The following ITGAV variants were observed in gnomAD, a reference collection of about 807,000 sequenced individuals.
The protein encoded by ITGAV is integrin subunit alpha V.
In ITGAV, 76 loss-of-function variants were observed where a neutral mutation model predicts 143.8. The ratio of observed to expected loss-of-function variants is 0.53; its 90% confidence interval spans 0.44 to 0.64. ITGAV has a LOEUF of 0.64. Among genes scored for constraint, ITGAV ranks in the 30% least tolerant of loss-of-function variants. The pLI is 0.00. For synonymous variants in ITGAV, 453 were observed against 446.7 expected, an observed-to-expected ratio of 1.01 and a Z score of -0.18; for missense variants, 1,193 against 1,274.7, an observed-to-expected ratio of 0.94 and a Z score of 0.98.
chr2:186,595,599 A>G (rs1243586310), intron 1 of ITGAV, among the ~76,000 whole-genome samples: 1 of 151,048 alleles, frequency 6.6e-6, no homozygotes, highest in East Asian at 1.9e-4. Flanking sequence ...CCCAAACTCA[A>G]TCCTTTATAT....
At chr2:186,633,657 T>G (rs1004800871) in intron 6 of ITGAV, among the ~76,000 whole-genome samples, 7 of 152,038 alleles carry the variant, frequency 4.6e-5, no homozygotes, top group African/African-American at 1.4e-4. Context: ...GTAATTTATT[T>G]TTATTGTGTG....
At chr2:186,602,460 G>T (rs116731410) in intron 2 of ITGAV, among the ~76,000 whole-genome samples, 1 of 152,146 alleles carries the variant, frequency 6.6e-6, no homozygotes, top group African/African-American at 2.4e-5. Flanking sequence ...TGAGAATAGG[G>T]AGCTCATAGG....
intron 12 of ITGAV, among the ~76,000 whole-genome samples, chr2:186,642,651 CAGCCTCCTGAGT>C (rs1395866731): frequency 1.3e-5 from 2 of 151,146 alleles, no homozygotes; most frequent in African/African-American, 4.9e-5. Flanking sequence ...CCTCCCACTT[CAGCCTCCTGAGT>C]AGCTGGGACT....
chr2:186,675,527 A>G (rs1574507221), intron 26 of ITGAV, 77 bp from the exon 27 acceptor site: 1 of 1,111,292 alleles, frequency 9.0e-7, no homozygotes, highest in East Asian at 2.4e-5. Flanking sequence ...ACAAAAAGAA[A>G]AAAAATGGCA....
At chr2:186,630,897 C>T in intron 5 of ITGAV, 39 bp downstream of exon 5, 3 of 1,095,494 alleles carry the variant, frequency 2.7e-6, no homozygotes, top group Non-Finnish European at 4.2e-6. Context: ...TTCACATCTA[C>T]CTTATTGACT....
rs1230022384 is a variant in ITGAV at position 186,590,086 on chromosome 2, G to A, written c.-253G>A. 1 of 389,572 alleles carries A rather than the reference G, an allele frequency of 2.6e-6. No individual in the cohort carries two copies. Among genetic ancestry groups the A allele is most frequent in the African/African-American group, 2.1e-5 (1 of 47,296 alleles). The allele number at this position is 389,572 out of a possible 1,614,324, so 24.1% of individuals were successfully genotyped here. On this transcript the variant is annotated 5_prime_UTR_variant, in exon 1 of 30. Transcript: ENST00000261023. The stretch of plus-strand genomic sequence containing the variant: ...CCAGCCTCAGACGCTGCGTGGAGCG[G>A]CGGAGCCGGAGGGAAGCAAAGGACC...
At chr2:186,596,816 G>A (rs1304434832) in intron 1 of ITGAV, among the ~76,000 whole-genome samples, 1 of 152,128 alleles carries the variant, frequency 6.6e-6, no homozygotes, top group South Asian at 2.1e-4. Flanking sequence ...TTTAACATAT[G>A]TCTAAGGTCA....
At chr2:186,604,103 C>T (rs558393441) in intron 2 of ITGAV, among the ~76,000 whole-genome samples, 45 of 151,758 alleles carry the variant, frequency 3.0e-4, no homozygotes, top group Non-Finnish European at 1.2e-4. Flanking sequence ...AACATCTGGG[C>T]TCAAGCAGTC....
At chr2:186,644,905 G>T (rs1184532115) in intron 12 of ITGAV, among the ~76,000 whole-genome samples, 1 of 152,136 alleles carries the variant, frequency 6.6e-6, no homozygotes, top group Non-Finnish European at 1.5e-5. Flanking sequence ...GAGTGATCAA[G>T]GCATCGTTGA....
intron 22 of ITGAV, 108 bp downstream of exon 22, chr2:186,666,891 C>T: frequency 1.8e-6 from 1 of 564,876 alleles, no homozygotes; most frequent in Non-Finnish European, 2.9e-6. Context: ...AATTTTATTG[C>T]TTGACTATAG....
At chr2:186,616,093 A>C (rs1687349353) in intron 2 of ITGAV, among the ~76,000 whole-genome samples, 1 of 152,016 alleles carries the variant, frequency 6.6e-6, no homozygotes, top group Non-Finnish European at 1.5e-5. Context: ...CATCTTTGTC[A>C]AAAATCAGTT....
intron 6 of ITGAV, among the ~76,000 whole-genome samples, chr2:186,634,096 A>C (rs1687891502): frequency 6.6e-6 from 1 of 152,198 alleles, no homozygotes; most frequent in South Asian, 2.1e-4. Flanking sequence ...TTAAACTGGC[A>C]TTGATATAAA....
intron 1 of ITGAV, among the ~76,000 whole-genome samples, chr2:186,595,585 C>G (rs755754566): frequency 1.3e-5 from 2 of 151,868 alleles, no homozygotes; most frequent in African/African-American, 2.4e-5. Flanking sequence ...TTTCTGTCCT[C>G]TCTCCCAAAC....
At chr2:186,675,102 TG>T (rs1689171770) in intron 26 of ITGAV, among the ~76,000 whole-genome samples, 1 of 152,224 alleles carries the variant, frequency 6.6e-6, no homozygotes, top group Non-Finnish European at 1.5e-5. Flanking sequence ...TTATTTCTTT[TG>T]GCTGCCAACC....
rs781072327 is a variant in ITGAV at position 186,651,990 on chromosome 2, C to T, written c.1406C>T (p.Pro469Leu). The change falls in exon 15 of 30, where the codon CCA becomes CTA. Residue 469 changes from proline (P) to leucine (L), a missense_variant. By Grantham distance (98) the Pro-to-Leu change is moderately conservative (BLOSUM62 -3). Transcript: ENST00000261023. ...TTTCCCTCCCCCGCTAGGGCCAGAC[C>T]AGTTATCACTGTAAATGCTGGTCTT... ...VDRAILYRAR[P>L]VITVNAGLEV... 1.2e-6 allele frequency: 2 copies of T among 1,603,020 alleles called. No homozygotes were observed. The highest frequency in any genetic ancestry group is 8.5e-7 in the Non-Finnish European group (1 of 1,171,656).
In ITGAV at chr2:186,590,886, A is replaced by G. The variant is rs189079510; in HGVS notation, c.185+363A>G. Among the ~76,000 whole-genome samples, 14 of 151,864 alleles carry G rather than the reference A, an allele frequency of 9.2e-5. 1 individual carries two copies. Among genetic ancestry groups the G allele is most frequent in the Admixed American group, 6.6e-4 (10 of 15,258 alleles). The stretch of plus-strand genomic sequence containing the variant: ...AGGATTTGGTCAATATCATCCCCGA[A>G]CTTCTTTTTCTCCTCTACCAGTTAG... On this transcript the variant is annotated intron_variant, in intron 1 of 29. Transcript: ENST00000261023.
intron 1 of ITGAV, among the ~76,000 whole-genome samples, chr2:186,594,666 A>G (rs1230710261): frequency 6.6e-6 from 1 of 152,240 alleles, no homozygotes; most frequent in Non-Finnish European, 1.5e-5. Flanking sequence ...TGCCAGCAAG[A>G]AAGTCCAAAC....
chr2:186,665,326 T>C (rs917057365), intron 21 of ITGAV, 108 bp downstream of exon 21: 45 of 710,692 alleles, frequency 6.3e-5, no homozygotes, highest in African/African-American at 5.4e-4. Context: ...ACAATGTCCT[T>C]AAATTGGTTT....
At position 186,647,987 on chromosome 2, in the gene ITGAV, A is replaced by G. The variant is rs189468891; in HGVS notation, c.1351+1110A>G. Reference sequence around the variant, plus strand: ...AAATACATCAAAGCATATCTTTTCAATGTTTTTCCTGTGCAGTCACACACA... The same window carrying G: ...AAATACATCAAAGCATATCTTTTCAGTGTTTTTCCTGTGCAGTCACACACA... On this transcript the variant is annotated intron_variant, in intron 13 of 29. Transcript: ENST00000261023. Among the ~76,000 whole-genome samples the G allele has an allele frequency of 4.6e-5, 7 of 152,224 alleles. No individual in the cohort carries two copies. In the East Asian group the frequency reaches 5.8e-4, roughly 13 times the overall value.
Sources: allele counts gnomAD v4.1 joint callset (sites outside exome capture counted in the v4.1 genomes callset), GRCh38; gene constraint gnomAD v4.1.1; transcripts MANE v1.5; gene names NCBI Gene and HGNC (gene_info 2026-07-23, HGNC 2026-07-21).